Variants in CDH13 observed in about 807,000 individuals in gnomAD.
CDH13 encodes cadherin-13.
Under a neutral mutation model 63.8 loss-of-function variants are expected in CDH13, and 24 were observed. The ratio of observed to expected loss-of-function variants is 0.38; its 90% CI spans 0.27 to 0.53. The LOEUF (loss-of-function observed/expected upper bound fraction) is 0.53. Ranked by LOEUF, CDH13 falls within the 20% of genes least tolerant of loss-of-function variation. The pLI is 0.85. For missense variants in CDH13, 1,049 were observed against 903.1 expected (o/e 1.16, Z -2.07); for synonymous variants, 503 against 355.3 (o/e 1.42, Z -4.67).
rs138819774 is a variant in CDH13, at chr16:83,334,000, C to T, written c.637-10862C>T. On this transcript the variant is annotated intron_variant, in intron 5 of 13. Transcript: ENST00000567109. Reference sequence around the variant, plus strand: ...TGTGTCAGGGTAAAATCAAGGTGTCCGCAGGGCTACCTTCACTCCTGGAAG... The same window carrying T: ...TGTGTCAGGGTAAAATCAAGGTGTCTGCAGGGCTACCTTCACTCCTGGAAG... 7.1e-4 allele frequency among the ~76,000 whole-genome samples: 108 copies of T among 152,160 alleles called. 2 individuals are homozygous for T. Among genetic ancestry groups the T allele is most frequent in the African/African-American group, 2.3e-3 (97 of 41,514 alleles).
In CDH13 at chr16:82,778,420, C is replaced by T. The variant is rs146739251; in HGVS notation, c.46-79942C>T. 9.7e-3 allele frequency among the ~76,000 whole-genome samples: 1,474 copies of T among 152,108 alleles called. 13 individuals carry two copies. The highest frequency in any genetic ancestry group is 0.014 in the Non-Finnish European group (960 of 68,012). On this transcript the variant is annotated intron_variant, in intron 1 of 13. Transcript: ENST00000567109. ...GTTTTGGATGGTGGGGGCATTTCCA[C>T]GTTGCTGCTATGTACTTTCTATACA...
chr16:82,976,337 A>G (rs1453517600), intron 2 of CDH13, among the ~76,000 whole-genome samples: 1 of 151,930 alleles, frequency 6.6e-6, no homozygotes, highest in Non-Finnish European at 1.5e-5. Flanking sequence ...TTGGTGTCCT[A>G]TGCCTCCCTC....
At chr16:83,045,634 TAAAAAAAAAAAA>T (rs71382861) in intron 3 of CDH13, among the ~76,000 whole-genome samples, 1 of 107,954 alleles carries the variant, frequency 9.3e-6, no homozygotes, top group African/African-American at 3.7e-5. Flanking sequence ...AAGATTCCTT[TAAAAAAAAAAAA>T]AAAAAAAAAA....
At chr16:83,325,058 TCAGA>T (rs1468273147) in intron 5 of CDH13, among the ~76,000 whole-genome samples, 2 of 152,206 alleles carry the variant, frequency 1.3e-5, no homozygotes, top group Non-Finnish European at 2.9e-5. Flanking sequence ...TGAACTTCCA[TCAGA>T]CAGACCTTCT....
At chr16:83,393,814 C>G (rs925442755) in intron 6 of CDH13, among the ~76,000 whole-genome samples, 24 of 152,108 alleles carry the variant, frequency 1.6e-4, no homozygotes, top group African/African-American at 5.8e-4. Context: ...TACATGTTCA[C>G]CCCCTAGTGG....
At chr16:83,341,501 C>T (rs1349876027) in intron 5 of CDH13, among the ~76,000 whole-genome samples, 2 of 152,170 alleles carry the variant, frequency 1.3e-5, no homozygotes, top group East Asian at 1.9e-4. Context: ...TTTTCATCCA[C>T]ATCATTAATA....
intron 1 of CDH13, among the ~76,000 whole-genome samples, chr16:82,678,709 C>T (rs1347154672): frequency 1.3e-5 from 2 of 152,126 alleles, no homozygotes; most frequent in East Asian, 1.9e-4. Context: ...GAAGAGTACA[C>T]AGTTTAAGGA....
At chr16:82,976,798 C>T (rs908426215) in intron 2 of CDH13, among the ~76,000 whole-genome samples, 22 of 152,196 alleles carry the variant, frequency 1.4e-4, no homozygotes, top group African/African-American at 5.1e-4. Flanking sequence ...ATTATTCTGC[C>T]TGGAACTCAG....
chr16:83,156,474 A>G (rs1009643579), intron 4 of CDH13, among the ~76,000 whole-genome samples: 1 of 152,198 alleles, frequency 6.6e-6, no homozygotes. Context: ...TTAAGGTACA[A>G]AGCATTTCCT....
intron 8 of CDH13, among the ~76,000 whole-genome samples, chr16:83,657,162 G>A (rs1160842387): frequency 6.6e-6 from 1 of 152,192 alleles, no homozygotes; most frequent in African/African-American, 2.4e-5. Context: ...CTAACAGACT[G>A]TGGATCCAGC....
chr16:83,430,422 A>G (rs1192053422), intron 6 of CDH13, among the ~76,000 whole-genome samples: 1 of 152,200 alleles, frequency 6.6e-6, no homozygotes, highest in Admixed American at 6.5e-5. Flanking sequence ...TTGGCAAACA[A>G]CCTAATTGAT....
At chr16:83,459,338 C>T (rs535240088) in intron 6 of CDH13, among the ~76,000 whole-genome samples, 1 of 152,180 alleles carries the variant, frequency 6.6e-6, no homozygotes, top group African/African-American at 2.4e-5. Context: ...ACAGAATAAA[C>T]GTGATTAAAT....
chr16:83,180,880 A>T, intron 4 of CDH13: 5 of 1,529,562 alleles, frequency 3.3e-6, no homozygotes, highest in Non-Finnish European at 3.5e-6. Flanking sequence ...AGAACCCACA[A>T]TCCTATTAAC....
At chr16:83,270,056 T>G (rs921539017) in intron 5 of CDH13, among the ~76,000 whole-genome samples, 1 of 152,234 alleles carries the variant, frequency 6.6e-6, no homozygotes, top group African/African-American at 2.4e-5. Flanking sequence ...TAAATGTAAC[T>G]GGTTTCTCTT....
At chr16:82,775,856 G>A (rs1056543258) in intron 1 of CDH13, among the ~76,000 whole-genome samples, 22 of 152,142 alleles carry the variant, frequency 1.4e-4, no homozygotes, top group Non-Finnish European at 2.8e-4. Flanking sequence ...CTCTGCTTAG[G>A]ATGCATACTG....
chr16:83,215,302 T>C (rs1475267061), intron 4 of CDH13, among the ~76,000 whole-genome samples: 1 of 151,702 alleles, frequency 6.6e-6, no homozygotes, highest in Non-Finnish European at 1.5e-5. Context: ...TGGTCTTGAA[T>C]TCCTGACCTC....
intron 7 of CDH13, among the ~76,000 whole-genome samples, chr16:83,517,972 C>G (rs552579632): frequency 6.6e-5 from 10 of 152,174 alleles, no homozygotes; most frequent in Admixed American, 5.9e-4. Flanking sequence ...AAGTGACTAA[C>G]CCCAGTGATA....
chr16:83,491,445 G>T (rs990869872), intron 7 of CDH13, among the ~76,000 whole-genome samples: 2 of 152,038 alleles, frequency 1.3e-5, no homozygotes, highest in Admixed American at 6.6e-5. Flanking sequence ...GGTCTCTAAC[G>T]TTTGATAAAT....
chr16:83,107,862 C>G (rs887995081), intron 3 of CDH13, among the ~76,000 whole-genome samples: 12 of 151,920 alleles, frequency 7.9e-5, no homozygotes, highest in Admixed American at 2.0e-4. Context: ...CTCTGTTGCC[C>G]AGGCTGGAGT....
Sources: gnomAD v4.1 joint callset for allele counts (sites outside exome capture counted in the v4.1 genomes callset) on GRCh38, gnomAD v4.1.1 for gene constraint, MANE v1.5 for transcripts, NCBI Gene and HGNC (gene_info 2026-07-23, HGNC 2026-07-21) for gene names.